CATSPERD: variants seen among roughly 807,000 people sequenced by gnomAD.
The protein encoded by CATSPERD is cation channel sperm-associated auxiliary subunit delta.
Under a neutral mutation model 98.1 loss-of-function variants are expected in CATSPERD, and 86 were observed. The observed-to-expected ratio is 0.88, with a 90% CI of 0.74 to 1.05. The LOEUF is 1.05. CATSPERD is among the 50% of genes least tolerant of loss of function. CATSPERD has a pLI of 0.00. For missense variants in CATSPERD, 995 were observed against 1,005.7 expected (o/e 0.99, Z 0.14); for synonymous variants, 394 against 390.2 (o/e 1.01, Z -0.12).
At chr19:5,756,284 G>A (rs201345038) in intron 13 of CATSPERD, among the ~76,000 whole-genome samples, 26 of 145,260 alleles carry the variant, frequency 1.8e-4, no homozygotes, top group Non-Finnish European at 2.4e-4. Context: ...CCCTCTCAAA[G>A]AAAAAAAAAA....
intron 5 of CATSPERD, 26 bp downstream of exon 5, chr19:5,733,996 T>G (rs984565496): frequency 1.9e-5 from 27 of 1,449,242 alleles, no homozygotes; most frequent in Non-Finnish European, 2.6e-5. Flanking sequence ...ATTTTTAAAT[T>G]TTGTTTGAGT....
intron 11 of CATSPERD, among the ~76,000 whole-genome samples, chr19:5,750,847 TTTCCTTTCTTCC>T (rs991647427): frequency 2.6e-5 from 4 of 152,062 alleles, no homozygotes; most frequent in Admixed American, 1.3e-4. Flanking sequence ...CTCTCCCTTC[TTTCCTTTCTTCC>T]TTCCTTTCTC....
At chr19:5,767,358 G>A (rs1219097155) in intron 17 of CATSPERD, among the ~76,000 whole-genome samples, 3 of 146,884 alleles carry the variant, frequency 2.0e-5, no homozygotes, top group East Asian at 4.0e-4. Context: ...CACCTCTAAC[G>A]GCAAAGTGCA....
intron 11 of CATSPERD, among the ~76,000 whole-genome samples, chr19:5,750,314 T>C (rs1238347525): frequency 6.7e-6 from 1 of 148,702 alleles, no homozygotes; most frequent in Non-Finnish European, 1.5e-5. Context: ...TAGCCGGGCG[T>C]GGTGGCGGCA....
chr19:5,731,954 T>C (rs994592543), intron 4 of CATSPERD, among the ~76,000 whole-genome samples: 6 of 151,922 alleles, frequency 3.9e-5, no homozygotes, highest in African/African-American at 1.5e-4. Context: ...TGTTTTGTTT[T>C]GTTTGTTTAT....
rs1352285591 is a variant in CATSPERD, at chr19:5,774,813, T to TA, written c.1942-1347dup. Among the ~76,000 whole-genome samples the TA allele has an allele frequency of 2.0e-5, 3 of 152,050 alleles. No individual in the cohort carries two copies. The East Asian group carries it at 5.8e-4, about 29-fold the overall frequency. The stretch of plus-strand genomic sequence containing the variant: ...GGATGGATCACTTGAGGTCAGGAGT[T>TA]AGAGACCAGCCTGACCAACATGGTG... On this transcript the variant is annotated intron_variant, in intron 20 of 21. Coordinates refer to ENST00000381624, the MANE Select transcript of CATSPERD (RefSeq NM_152784.4).
chr19:5,757,984 C>T, intron 14 of CATSPERD, 52 bp downstream of exon 14: 7 of 1,447,442 alleles, frequency 4.8e-6, no homozygotes, highest in Non-Finnish European at 6.7e-6. Flanking sequence ...GAGGCCCCCT[C>T]TTCCTCCTTC....
intron 19 of CATSPERD, among the ~76,000 whole-genome samples, chr19:5,771,480 C>T (rs552570825): frequency 8.5e-4 from 129 of 152,160 alleles, no homozygotes; most frequent in African/African-American, 3.0e-3. Flanking sequence ...TCAGATGATC[C>T]GCCTGCCTTG....
chr19:5,725,305 C>T (rs1439655775), intron 2 of CATSPERD, among the ~76,000 whole-genome samples: 2 of 152,070 alleles, frequency 1.3e-5, no homozygotes, highest in East Asian at 3.9e-4. Flanking sequence ...GTGTGTGCCA[C>T]CATGCGCAGC....
chr19:5,767,413 GT>G (rs771382470), intron 17 of CATSPERD, among the ~76,000 whole-genome samples: 4,284 of 143,854 alleles, frequency 0.03, 216 homozygotes, highest in African/African-American at 0.1. Context: ...GGTCTCTCAG[GT>G]TTTTTTTTTT....
Position 5,745,833 on chromosome 19 carries a change from A to G in CATSPERD, c.658-80A>G, listed in dbSNP as rs189729809. ...GCTTTCCCCTGCACCTGCTAGCCAGACTCCTCTTCCCTCATTAGGACTCAG... is the reference window on the plus strand; with the variant it reads ...GCTTTCCCCTGCACCTGCTAGCCAGGCTCCTCTTCCCTCATTAGGACTCAG... On this transcript the variant is annotated intron_variant, in intron 8 of 21. Transcript: ENST00000381624. 90 of 1,434,334 alleles carry G rather than the reference A, an allele frequency of 6.3e-5. No individual in the cohort carries two copies. In the African/African-American group the frequency reaches 1.1e-3, roughly 17 times the overall value. 88.9% of individuals were successfully genotyped at this position (1,434,334 alleles called of 1,614,324 possible).
intron 17 of CATSPERD, 82 bp from the exon 18 acceptor site, chr19:5,768,086 G>T: frequency 7.7e-7 from 1 of 1,306,250 alleles, no homozygotes; most frequent in Non-Finnish European, 1.1e-6. Context: ...ACCACGCCCA[G>T]CCCCTCCCTT....
intron 12 of CATSPERD, among the ~76,000 whole-genome samples, 192 bp from the exon 13 acceptor site, chr19:5,753,940 G>T (rs898637448): frequency 6.6e-6 from 1 of 152,194 alleles, no homozygotes; most frequent in East Asian, 1.9e-4. Context: ...TACTTCTGGA[G>T]AGGAGGGAGG....
At chr19:5,759,235 C>A in intron 15 of CATSPERD, 91 bp downstream of exon 15, 1 of 1,173,400 alleles carries the variant, frequency 8.5e-7, no homozygotes, top group Non-Finnish European at 1.3e-6. Context: ...GATCAGACCC[C>A]CAGCTCCAGA....
chr19:5,763,431 A>T (rs1180423397), intron 16 of CATSPERD, 138 bp downstream of exon 16: 1 of 611,208 alleles, frequency 1.6e-6, no homozygotes, highest in African/African-American at 1.9e-5. Flanking sequence ...ACTCTGCCTC[A>T]AAAACTAAAA....
intron 6 of CATSPERD, among the ~76,000 whole-genome samples, chr19:5,737,482 C>T (rs1429059625): frequency 1.4e-5 from 2 of 140,816 alleles, no homozygotes; most frequent in South Asian, 2.2e-4. Context: ...CCCAGGAGAT[C>T]GAGGCTGCAA....
In CATSPERD at chr19:5,727,271, C is replaced by T. The variant is rs755100442; in HGVS notation, c.130C>T (p.Arg44Cys). ...GATTTTGTGATTATCTCTCTAGGAC[C>T]GCCTGTATTTTCATCCTACAACAAC... Reference protein sequence around the residue: ...FNLIQDVQGDRLYFHPTTTRL... With the variant: ...FNLIQDVQGDCLYFHPTTTRL... Residue 44 changes from arginine (R) to cysteine (C), a missense_variant, in exon 3 of 22, where the codon CGC becomes TGC. Arg to Cys is a radical substitution (Grantham distance 180). Transcript: ENST00000381624. 1.2e-5 allele frequency: 19 copies of T among 1,610,266 alleles called. No individual in the cohort carries two copies. Among genetic ancestry groups the T allele is most frequent in the African/African-American group, 5.3e-5 (4 of 74,808 alleles).
chr19:5,726,117 C>T (rs1202595716), intron 2 of CATSPERD, among the ~76,000 whole-genome samples: 5 of 149,954 alleles, frequency 3.3e-5, no homozygotes, highest in African/African-American at 4.9e-5. Context: ...GCTGGAGTGC[C>T]GTGGCACAAT....
chr19:5,735,133 A>G (rs1217613326), intron 5 of CATSPERD, among the ~76,000 whole-genome samples: 2 of 152,052 alleles, frequency 1.3e-5, no homozygotes, highest in African/African-American at 4.8e-5. Flanking sequence ...ATCTTTACAA[A>G]AAACCTTACT....
Sources: allele counts gnomAD v4.1 joint callset (sites outside exome capture counted in the v4.1 genomes callset), GRCh38; gene constraint gnomAD v4.1.1; transcripts MANE v1.5; gene names NCBI Gene and HGNC (gene_info 2026-07-23, HGNC 2026-07-21).